The following SMPD1 variants were observed in gnomAD, a reference collection of about 807,000 sequenced individuals.
The protein encoded by SMPD1 is sphingomyelin phosphodiesterase 1.
A neutral mutation model predicts 49.7 loss-of-function variants in SMPD1; 47 were observed. That is an observed-to-expected ratio of 0.95 (90% CI 0.75 to 1.21). The LOEUF is 1.21. SMPD1 is among the 50% of genes most tolerant of loss of function. The probability of loss-of-function intolerance (pLI) is 0.00; values close to 1 mark genes in which losing one functional copy is unlikely to be tolerated. For missense variants in SMPD1, 811 were observed against 822.2 expected, an observed-to-expected ratio of 0.99 and a Z score of 0.17; for synonymous variants, 336 against 339.6, an observed-to-expected ratio of 0.99 and a Z score of 0.12.
At chr11:6,390,986 T>C (rs1847884773) in intron 1 of SMPD1, 70 bp downstream of exon 1, 1 of 1,572,792 alleles carries the variant, frequency 6.4e-7, no homozygotes, top group Non-Finnish European at 8.7e-7. Context: ...GGGCTGATGC[T>C]GGTGCGCTGG....
chr11:6,393,017 T>C (rs1418084961), intron 2 of SMPD1, among the ~76,000 whole-genome samples, 199 bp from the exon 3 acceptor site: 4 of 152,142 alleles, frequency 2.6e-5, no homozygotes, highest in African/African-American at 4.8e-5. Context: ...CCCTCCCCCA[T>C]ACTCCTGGAG....
chr11:6,393,417 G>A, intron 3 of SMPD1, 30 bp downstream of exon 3: 2 of 1,601,270 alleles, frequency 1.2e-6, no homozygotes, highest in Non-Finnish European at 1.7e-6. Context: ...ACACGGTGGT[G>A]CTGGGGGACA....
At chr11:6,392,274 T>C in intron 2 of SMPD1, 118 bp downstream of exon 2, 1 of 1,095,642 alleles carries the variant, frequency 9.1e-7, no homozygotes. Context: ...GTGCTCTTCA[T>C]TTGGCTCCCC....
In SMPD1 at chr11:6,392,169, C is replaced by G. The variant is rs371340833; in HGVS notation, c.1091+13C>G. 8 of 1,614,046 alleles carry G rather than the reference C, an allele frequency of 5.0e-6. No homozygotes were observed. The highest frequency in any genetic ancestry group is 6.8e-6 in the Non-Finnish European group (8 of 1,180,004). ...TGCGCACCCTCAGGTACTTATCGTC[C>G]GTGGAAACCCAGGAAGGGAAAAGAA... On this transcript the variant is annotated intron_variant, in intron 2 of 5. Transcript: ENST00000342245.
In SMPD1 at chr11:6,390,502, G is replaced by C. The variant is rs563116210; in HGVS notation, c.-97G>C. ...CAGCCGACTACAGAGAAGGGTAATCGGGTGTCCCCGGCGCCGCCCGGGGCC... is the reference window on the plus strand; with the variant it reads ...CAGCCGACTACAGAGAAGGGTAATCCGGTGTCCCCGGCGCCGCCCGGGGCC... On this transcript the variant is annotated 5_prime_UTR_variant, in exon 1 of 6. Coordinates refer to ENST00000342245, the MANE Select transcript of SMPD1 (RefSeq NM_000543.5). 1.9e-6 allele frequency: 3 copies of C among 1,544,766 alleles called. No individual in the cohort carries two copies. The highest frequency in any genetic ancestry group is 1.7e-6 in the Non-Finnish European group (2 of 1,147,274).
chr11:6,391,954 G>T lies in SMPD1; in HGVS notation c.889G>T (p.Ala297Ser), dbSNP rs1486141688. The T allele has an allele frequency of 1.2e-6, 2 of 1,614,188 alleles. No homozygotes were observed. Among genetic ancestry groups the T allele is most frequent in the Non-Finnish European group, 1.7e-6 (2 of 1,180,038 alleles). Residue 297 changes from alanine (A) to serine (S), a missense_variant, in exon 2 of 6, where the codon GCC becomes TCC. Coordinates refer to ENST00000342245, the MANE Select transcript of SMPD1 (RefSeq NM_000543.5). The stretch of plus-strand genomic sequence containing the variant: ...CCAGACTCGTCAGGACCAACTGCGG[G>T]CCCTGACCACCGTCACAGCACTTGT... ...WHQTRQDQLRALTTVTALVRK... is the reference protein window; with the variant it reads ...WHQTRQDQLRSLTTVTALVRK...
At position 6,393,220 on chromosome 11, in the gene SMPD1, G is replaced by T. The variant is rs1306328500; in HGVS notation, c.1096G>T (p.Gly366Trp). Residue 366 changes from glycine (G) to tryptophan (W), a missense_variant, in exon 3 of 6, where the codon GGG becomes TGG. Transcript: ENST00000342245. ...PAEALRTLRI[G>W]GFYALSPYPG... ...CTCATGTTTACTTTGTTTCAGAATTGGGGGGTTCTATGCTCTTTCCCCATA... is the reference window on the plus strand; with the variant it reads ...CTCATGTTTACTTTGTTTCAGAATTTGGGGGTTCTATGCTCTTTCCCCATA... 1 of 1,613,214 alleles carries T rather than the reference G, an allele frequency of 6.2e-7. No individual in the cohort carries two copies. The highest frequency in any genetic ancestry group is 8.5e-7 in the Non-Finnish European group (1 of 1,179,388).
chr11:6,393,522 C>CA, intron 3 of SMPD1, 95 bp from the exon 4 acceptor site: 1 of 1,381,520 alleles, frequency 7.2e-7, no homozygotes. Context: ...AGCTCATGGT[C>CA]ACTGTTGAAA....
rs779446238 is a variant in SMPD1 at position 6,390,586 on chromosome 11, A to G, written c.-13A>G. The G allele has an allele frequency of 3.1e-6, 5 of 1,610,328 alleles. No individual in the cohort carries two copies. In the Admixed American group the frequency reaches 8.4e-5, roughly 27 times the overall value. On this transcript the variant is annotated 5_prime_UTR_variant, in exon 1 of 6. Transcript: ENST00000342245. ...CGGGACAGACGAACCAGCCCCGTGT[A>G]GGAAGCGCGACAATGCCCCGCTACG...
rs770561559 is a variant in SMPD1 at position 6,394,387 on chromosome 11, T to C, written c.1676T>C (p.Val559Ala). Reference sequence around the variant, plus strand: ...CTGCCTACCGCCTGGCACAACCTGGTATATCGCATGCGGGGCGACATGCAA... The same window carrying C: ...CTGCCTACCGCCTGGCACAACCTGGCATATCGCATGCGGGGCGACATGCAA... ...NTLPTAWHNL[V>A]YRMRGDMQLF... Residue 559 changes from valine (V) to alanine (A), a missense_variant, in exon 6 of 6, where the codon GTA becomes GCA. By Grantham distance (64) the Val-to-Ala change is moderately conservative. Coordinates refer to ENST00000342245, the MANE Select transcript of SMPD1 (RefSeq NM_000543.5). The C allele has an allele frequency of 1.9e-6, 3 of 1,614,100 alleles. No individual in the cohort carries two copies. Among genetic ancestry groups the C allele is most frequent in the Non-Finnish European group, 2.5e-6 (3 of 1,180,038 alleles).
chr11:6,392,293 C>A, intron 2 of SMPD1, 137 bp downstream of exon 2: 1 of 821,738 alleles, frequency 1.2e-6, no homozygotes, highest in Non-Finnish European at 2.0e-6. Flanking sequence ...CCTAATCTGA[C>A]TCCTCCTTCC....
chr11:6,391,976 T>C lies in SMPD1; in HGVS notation c.911T>C (p.Leu304Pro), dbSNP rs120074124. The C allele has an allele frequency of 1.6e-5, 26 of 1,614,056 alleles. No individual in the cohort carries two copies. Among genetic ancestry groups the C allele is most frequent in the Non-Finnish European group, 5.1e-6 (6 of 1,180,030 alleles). Residue 304 changes from leucine (L) to proline (P), a missense_variant, in exon 2 of 6, where the codon CTT (leucine) becomes CCT (proline). Physicochemically the swap from Leu to Pro is moderately conservative, Grantham distance 98. Coordinates refer to ENST00000342245, the MANE Select transcript of SMPD1 (RefSeq NM_000543.5). ...CGGGCCCTGACCACCGTCACAGCAC[T>C]TGTGAGGAAGTTCCTGGGGCCAGTG... ...QLRALTTVTALVRKFLGPVPV... is the reference protein window; with the variant it reads ...QLRALTTVTAPVRKFLGPVPV...
chr11:6,391,848 C>G lies in SMPD1; in HGVS notation c.783C>G (p.Ser261Arg). 9 of 1,613,790 alleles carry G rather than the reference C, an allele frequency of 5.6e-6. No homozygotes were observed. The highest frequency in any genetic ancestry group is 7.6e-6 in the Non-Finnish European group (9 of 1,179,908). The change falls in exon 2 of 6, where the codon AGC becomes AGG. Residue 261 changes from serine to arginine, a missense_variant. By Grantham distance (110) the Ser-to-Arg change is moderately radical. Transcript: ENST00000342245. The part of the protein sequence containing the change: ...KCDLPLRTLE[S>R]LLSGLGPAGP... Reference sequence around the variant, plus strand: ...ACCTGCCCCTGAGGACCCTGGAGAGCCTGTTGAGTGGGCTGGGCCCAGCCG... The same window carrying G: ...ACCTGCCCCTGAGGACCCTGGAGAGGCTGTTGAGTGGGCTGGGCCCAGCCG...
In SMPD1 at chr11:6,390,558, G is replaced by T. The variant is rs759490845; in HGVS notation, c.-41G>T. On this transcript the variant is annotated 5_prime_UTR_variant, in exon 1 of 6. Coordinates refer to ENST00000342245, the MANE Select transcript of SMPD1 (RefSeq NM_000543.5). ...GGCTGGCTAGGGTCCAGGCCGGGGG[G>T]GACGGGACAGACGAACCAGCCCCGT... The T allele has an allele frequency of 2.7e-5, 43 of 1,597,876 alleles. No homozygotes were observed. Among genetic ancestry groups the T allele is most frequent in the African/African-American group, 4.0e-5 (3 of 74,802 alleles).
Position 6,391,939 on chromosome 11 carries a change from C to T in SMPD1, c.874C>T (p.Gln292Ter). ...PAHDVWHQTR[Q>*]DQLRALTTVT... is the part of the protein sequence containing the mutation. ...ACATGATGTCTGGCACCAGACTCGT[C>T]AGGACCAACTGCGGGCCCTGACCAC... is the stretch of plus-strand genomic sequence containing the variant. The change falls in exon 2 of 6, where the codon CAG becomes TAG. Residue 292 changes from glutamine to a stop codon, truncating the protein, a stop_gained. Coordinates refer to ENST00000342245, the MANE Select transcript of SMPD1 (RefSeq NM_000543.5). LOFTEE classifies it high-confidence loss of function. 4 of 1,614,244 alleles carry T rather than the reference C, an allele frequency of 2.5e-6. No homozygotes were observed. The highest frequency in any genetic ancestry group is 3.4e-6 in the Non-Finnish European group (4 of 1,180,050).
chr11:6,393,616 G>C lies in SMPD1; in HGVS notation c.1264-1G>C, dbSNP rs1057516454. Reference sequence around the variant, plus strand: ...TTACCATCCTTAATTCTCCCTACTAGGTGCATATAATTGGCCACATTCCCC... The same window carrying C: ...TTACCATCCTTAATTCTCCCTACTACGTGCATATAATTGGCCACATTCCCC... On this transcript the variant is annotated splice_acceptor_variant, in intron 3 of 5. Coordinates refer to ENST00000342245, the MANE Select transcript of SMPD1 (RefSeq NM_000543.5). LOFTEE classifies it high-confidence loss of function. The C allele has an allele frequency of 5.0e-6, 8 of 1,611,654 alleles. No homozygotes were observed. Among genetic ancestry groups the C allele is most frequent in the Non-Finnish European group, 6.8e-6 (8 of 1,177,768 alleles).
Position 6,394,630 on chromosome 11 carries a change from A to C in SMPD1, c.*23A>C, listed in dbSNP as rs1448462871. 4 of 1,590,512 alleles carry C rather than the reference A, an allele frequency of 2.5e-6. No homozygotes were observed. Among genetic ancestry groups the C allele is most frequent in the African/African-American group, 1.3e-5 (1 of 74,864 alleles). On this transcript the variant is annotated 3_prime_UTR_variant, in exon 6 of 6. Coordinates refer to ENST00000342245, the MANE Select transcript of SMPD1 (RefSeq NM_000543.5). ...TAGGGCCCCAGGGCCCACATTTGGG[A>C]AAGTTCTTGATGTAGGAAAGGGTGA...
At chr11:6,393,568 G>T in intron 3 of SMPD1, 49 bp from the exon 4 acceptor site, 1 of 1,486,094 alleles carries the variant, frequency 6.7e-7, no homozygotes, top group Non-Finnish European at 9.4e-7. Flanking sequence ...AGCCAGGGCT[G>T]CCTGGACCCC....
chr11:6,393,502 C>A, intron 3 of SMPD1, 115 bp downstream of exon 3: 1 of 1,409,284 alleles, frequency 7.1e-7, no homozygotes, highest in South Asian at 1.2e-5. Context: ...CAAGTGTTCC[C>A]TGGGGATTCA....
Sources: gnomAD v4.1 joint callset for allele counts (sites outside exome capture counted in the v4.1 genomes callset) on GRCh38, gnomAD v4.1.1 for gene constraint, MANE v1.5 for transcripts, NCBI Gene and HGNC (gene_info 2026-07-23, HGNC 2026-07-21) for gene names.